The following SMARCA2 variants were observed in gnomAD, a reference collection of about 807,000 sequenced individuals.
The protein encoded by SMARCA2 is SWI/SNF-related matrix-associated actin-dependent regulator of chromatin subfamily A member 2.
Under a neutral mutation model 199.8 loss-of-function variants are expected in SMARCA2, and 61 were observed. The ratio of observed to expected loss-of-function variants is 0.31; its 90% confidence interval spans 0.25 to 0.38. The LOEUF is 0.38. Among genes scored for constraint, SMARCA2 ranks in the 10% least tolerant of loss-of-function variants. The pLI, the probability that SMARCA2 is intolerant of heterozygous loss-of-function variation, is 1.00. For synonymous variants in SMARCA2, 935 were observed against 732.0 expected, an observed-to-expected ratio of 1.28 and a Z score of -4.48; for missense variants, 1,344 against 2,012.2, an observed-to-expected ratio of 0.67 and a Z score of 6.35.
Position 2,039,805 on chromosome 9 carries a change from A to AGCAGCAGCAACAGCAGCC in SMARCA2, c.704_705insACAGCAGCCGCAGCAGCA (p.Gln237_Gln238insProGlnGlnGlnGlnGln). 1.2e-6 allele frequency: 2 copies of AGCAGCAGCAACAGCAGCC among 1,607,546 alleles called. No homozygotes were observed. Among genetic ancestry groups the AGCAGCAGCAACAGCAGCC allele is most frequent in the Admixed American group, 1.7e-5 (1 of 59,572 alleles). On this transcript the variant is annotated inframe_insertion, in exon 4 of 34. Transcript: ENST00000349721. The surrounding 1 kb of genome is among the most constrained non-coding windows in gnomAD (Gnocchi z 4.8). ...CAGCAGCAGCAGCAGCAGCAGCAGCAGCAGCAGCAGCAACAGCAGCCGCAG... is the reference window on the plus strand; with the variant it reads ...CAGCAGCAGCAGCAGCAGCAGCAGCAGCAGCAGCAACAGCAGCCGCAGCAGCAGCAACAGCAGCCGCAG...
intron 29 of SMARCA2, among the ~76,000 whole-genome samples, chr9:2,173,450 C>T (rs904828966): frequency 4.6e-5 from 7 of 152,196 alleles, no homozygotes; most frequent in Non-Finnish European, 8.8e-5. Flanking sequence ...TTTAGTGGCT[C>T]TAATTTCATT....
rs760000638 is a variant in SMARCA2 at position 2,029,070 on chromosome 9, G to A, written c.48G>A (p.Ser16=). 5.8e-6 allele frequency: 9 copies of A among 1,564,512 alleles called. No individual in the cohort carries two copies. The East Asian group carries it at 9.5e-5, about 17-fold the overall frequency. Residue 16 remains serine (S), a synonymous_variant, in exon 2 of 34, where the codon TCG becomes TCA. Coordinates refer to ENST00000349721, the MANE Select transcript of SMARCA2 (RefSeq NM_003070.5). The part of the protein sequence containing the change: ...DPGAMPHPGP[S]PGPGPSPGPI... ...GTGCGATGCCCCACCCAGGGCCTTC[G>A]CCGGGGCCTGGGCCTTCCCCTGGGC...
At chr9:2,045,694 C>T (rs2130282150) in intron 4 of SMARCA2, 1 of 152,126 alleles carries the variant, frequency 6.6e-6, no homozygotes, top group East Asian at 1.9e-4. Flanking sequence ...GCATTTTCCT[C>T]CTAAGATTTT....
intron 29 of SMARCA2, among the ~76,000 whole-genome samples, chr9:2,179,193 G>C (rs547954727): frequency 6.6e-6 from 1 of 152,162 alleles, no homozygotes. Flanking sequence ...ACACAGTAGA[G>C]ACTCTCCTGA....
chr9:2,103,601 A>T (rs1286958266), intron 22 of SMARCA2, among the ~76,000 whole-genome samples: 1 of 151,740 alleles, frequency 6.6e-6, no homozygotes, highest in Non-Finnish European at 1.5e-5. Context: ...TATACTGAAT[A>T]AGGAGAAATT....
chr9:2,156,275 G>A (rs1371465679), intron 27 of SMARCA2, among the ~76,000 whole-genome samples: 1 of 152,092 alleles, frequency 6.6e-6, no homozygotes. Flanking sequence ...GCTGTGTGTC[G>A]AGGTGGTAAG....
intron 29 of SMARCA2, 191 bp from the exon 30 acceptor site, chr9:2,181,380 T>G (rs1244703422): frequency 1.2e-5 from 6 of 490,070 alleles, no homozygotes; most frequent in African/African-American, 8.0e-5. Context: ...TGTATTTTAC[T>G]GTGATCTTAA....
chr9:2,035,960 T>C (rs1032185922), intron 3 of SMARCA2, among the ~76,000 whole-genome samples: 4 of 152,180 alleles, frequency 2.6e-5, no homozygotes, highest in African/African-American at 9.7e-5. Flanking sequence ...CATTTATTAA[T>C]ATAAAAACAC....
intron 27 of SMARCA2, among the ~76,000 whole-genome samples, chr9:2,135,498 A>T (rs987767689): frequency 6.6e-6 from 1 of 152,126 alleles, no homozygotes; most frequent in Non-Finnish European, 1.5e-5. Flanking sequence ...AGCCTGAACT[A>T]AGACATGCGT....
intron 19 of SMARCA2, among the ~76,000 whole-genome samples, chr9:2,095,017 G>C (rs1415722078): frequency 6.6e-6 from 1 of 151,756 alleles, no homozygotes; most frequent in East Asian, 1.9e-4. Flanking sequence ...ATATGTATTT[G>C]TATATATTAT....
intron 19 of SMARCA2, among the ~76,000 whole-genome samples, chr9:2,091,654 C>T (rs1335450201): frequency 6.6e-6 from 1 of 152,174 alleles, no homozygotes; most frequent in Admixed American, 6.6e-5. Flanking sequence ...TCAGTGTATA[C>T]ATAGATTTGT....
At chr9:2,191,068 A>G (rs1268936403) in intron 32 of SMARCA2, among the ~76,000 whole-genome samples, 198 bp from the exon 33 acceptor site, 1 of 152,146 alleles carries the variant, frequency 6.6e-6, no homozygotes, top group East Asian at 1.9e-4. Flanking sequence ...TACATCATTT[A>G]TCTTCCAAAA....
chr9:2,174,297 A>ACTC lies in SMARCA2; in HGVS notation c.4253+3826_4253+3828dup, dbSNP rs539697131. On this transcript the variant is annotated intron_variant, in intron 29 of 33. Coordinates refer to ENST00000349721, the MANE Select transcript of SMARCA2 (RefSeq NM_003070.5). ...GGGCTGACACACTGTTTTCCAAACCACTCTATAAATGTTTTGATTAAAAAG... is the reference window on the plus strand; with the variant it reads ...GGGCTGACACACTGTTTTCCAAACCACTCCTCTATAAATGTTTTGATTAAAAAG... Among the ~76,000 whole-genome samples, 8 of 151,992 alleles carry ACTC rather than the reference A, an allele frequency of 5.3e-5. No individual in the cohort carries two copies. The East Asian group carries it at 1.6e-3, about 29-fold the overall frequency.
chr9:2,047,251 C>T lies in SMARCA2; in HGVS notation c.813C>T (p.Gly271=). The T allele has an allele frequency of 9.9e-7, 1 of 1,008,790 alleles. No homozygotes were observed. Among genetic ancestry groups the T allele is most frequent in the Non-Finnish European group, 1.2e-6 (1 of 845,888 alleles). 62.5% of individuals were successfully genotyped at this position (1,008,790 alleles called of 1,614,324 possible). The change falls in exon 5 of 34, where the codon GGC becomes GGT. Residue 271 remains glycine, a synonymous_variant. Transcript: ENST00000349721. ...RPSGPGPELS[G]PSTPQKLPVP... is the part of the protein sequence containing the mutation. ...CAGGCCCGGGGCCGGAGCTGAGCGG[C>T]CCGAGCACCCCGCAGAAGCTGCCGG...
intron 27 of SMARCA2, among the ~76,000 whole-genome samples, chr9:2,125,997 C>T (rs1823675809): frequency 6.6e-6 from 1 of 152,196 alleles, no homozygotes; most frequent in South Asian, 2.1e-4. Context: ...CATTCAGTTT[C>T]TATCCCTGAT....
chr9:2,186,348 CA>C, intron 32 of SMARCA2, 120 bp downstream of exon 32: 1 of 1,085,884 alleles, frequency 9.2e-7, no homozygotes, highest in Non-Finnish European at 1.3e-6. Flanking sequence ...GCCCTTATTC[CA>C]CTTTGTCCTT....
At chr9:2,118,398 C>T (rs957637042) in intron 25 of SMARCA2, among the ~76,000 whole-genome samples, 5 of 152,272 alleles carry the variant, frequency 3.3e-5, no homozygotes, top group South Asian at 2.1e-4. Context: ...TCCTGCAGTG[C>T]GAAAGACGTT....
intron 32 of SMARCA2, among the ~76,000 whole-genome samples, chr9:2,189,099 TCAGA>T (rs1232945536): frequency 1.3e-5 from 2 of 152,200 alleles, no homozygotes; most frequent in East Asian, 3.8e-4. Context: ...CATCTCAGGG[TCAGA>T]CAATTAACAG....
In SMARCA2 at chr9:2,170,492, T is replaced by C; in HGVS notation, c.4253+20T>C. On this transcript the variant is annotated intron_variant, in intron 29 of 33. Transcript: ENST00000349721. This position sits in a 1 kb window ranked among gnomAD's most constrained non-coding sequence, Gnocchi z 4.7. ...AAACAGGTCAGGATCTGTCTTGTAT[T>C]CCCCTATCTCTAAATACAGGTATCC... 2 of 1,613,946 alleles carry C rather than the reference T, an allele frequency of 1.2e-6. No individual in the cohort carries two copies. Among genetic ancestry groups the C allele is most frequent in the Non-Finnish European group, 1.7e-6 (2 of 1,179,892 alleles).
Sources: allele counts gnomAD v4.1 joint callset (sites outside exome capture counted in the v4.1 genomes callset), GRCh38; gene constraint gnomAD v4.1.1; non-coding constraint Gnocchi (gnomAD v3.1); transcripts MANE v1.5; gene names NCBI Gene and HGNC (gene_info 2026-07-23, HGNC 2026-07-21).